Variants in IFT27 observed in about 807,000 individuals in gnomAD.
The protein encoded by IFT27 is intraflagellar transport 27, also known as intraflagellar transport protein 27 homolog.
IFT27 carries 19 observed loss-of-function variants against 23.9 expected under a neutral mutation model. The ratio of observed to expected loss-of-function variants is 0.79; its 90% CI spans 0.55 to 1.16. The LOEUF (loss-of-function observed/expected upper bound fraction) is 1.16. IFT27 is among the 50% of genes most tolerant of loss of function. The probability of loss-of-function intolerance (pLI) is 0.00; values close to 1 mark genes in which losing one functional copy is unlikely to be tolerated. For missense variants in IFT27, 206 were observed against 228.7 expected, an observed-to-expected ratio of 0.90 and a Z score of 0.64; for synonymous variants, 91 against 89.1, an observed-to-expected ratio of 1.02 and a Z score of -0.12.
intron 1 of IFT27, among the ~76,000 whole-genome samples, chr22:36,773,831 C>T (rs552790606): frequency 5.1e-4 from 78 of 152,174 alleles, no homozygotes; most frequent in Admixed American, 2.0e-3. Context: ...TCAGTTGCCT[C>T]ATCTGTAAAT....
chr22:36,768,375 G>A (rs1938309642), intron 1 of IFT27: 6 of 307,238 alleles, frequency 2.0e-5, no homozygotes, highest in South Asian at 1.7e-4. Flanking sequence ...CAAGAAGTCT[G>A]AGGCTGTGTT....
Position 36,767,252 on chromosome 22 carries a change from C to A in IFT27, c.174+54G>T, listed in dbSNP as rs756416368. On this transcript the variant is annotated intron_variant, in intron 3 of 6. Transcript: ENST00000433985. ...AGGGAGGATGGTGTGACCACAGAGA[C>A]CCTGGGCCCAGCTGGGGGAGCCCTG... The A allele has an allele frequency of 6.2e-6, 9 of 1,458,438 alleles. No homozygotes were observed. In the South Asian group the frequency reaches 6.9e-5, roughly 11 times the overall value. The allele number at this position is 1,458,438 out of a possible 1,614,324, so 90.3% of individuals were successfully genotyped here.
intron 1 of IFT27, among the ~76,000 whole-genome samples, chr22:36,773,842 G>A (rs1303497390): frequency 1.3e-5 from 2 of 152,066 alleles, no homozygotes; most frequent in Non-Finnish European, 2.9e-5. Context: ...ATCTGTAAAT[G>A]AGGATGGCAA....
intron 1 of IFT27, among the ~76,000 whole-genome samples, chr22:36,769,280 G>C (rs77589426): frequency 0.015 from 2,262 of 152,142 alleles, 61 homozygotes; most frequent in African/African-American, 0.049. Flanking sequence ...GGCTCAGAGA[G>C]GCTGGGTAAC....
At chr22:36,761,576 C>T (rs746365691) in intron 6 of IFT27, 5 of 152,156 alleles carry the variant, frequency 3.3e-5, no homozygotes, top group East Asian at 1.9e-4. Flanking sequence ...GTTTACCAGG[C>T]GCCAGACTCT....
chr22:36,758,442 C>A, intron 6 of IFT27, 33 bp from the exon 7 acceptor site: 7 of 1,547,466 alleles, frequency 4.5e-6, no homozygotes, highest in South Asian at 1.1e-5. Flanking sequence ...TGGCTGTGTT[C>A]TTTTAGAAGG....
intron 5 of IFT27, 135 bp from the exon 6 acceptor site, chr22:36,763,148 C>G (rs1047657997): frequency 1.8e-6 from 1 of 546,418 alleles, no homozygotes; most frequent in Non-Finnish European, 3.1e-6. Context: ...GGTGAGCCCC[C>G]CCACAGGGAA....
chr22:36,763,597 C>T, intron 5 of IFT27: 1 of 443,414 alleles, frequency 2.3e-6, no homozygotes. Flanking sequence ...ACCCCATATA[C>T]AAGAGAAAAT....
chr22:36,767,245 A>G, intron 3 of IFT27, 61 bp downstream of exon 3: 1 of 1,379,050 alleles, frequency 7.3e-7, no homozygotes, highest in Non-Finnish European at 1.0e-6. Context: ...TGGTGTGACC[A>G]CAGAGACCCT....
intron 1 of IFT27, among the ~76,000 whole-genome samples, chr22:36,771,831 G>A (rs1302098997): frequency 1.3e-5 from 2 of 152,102 alleles, no homozygotes; most frequent in Non-Finnish European, 2.9e-5. Context: ...CCAGTGGGTG[G>A]CATCAACAGG....
In IFT27 at chr22:36,760,782, G is replaced by C. The variant is rs1938069571; in HGVS notation, c.462+2122C>G. 1.8e-5 allele frequency: 3 copies of C among 166,522 alleles called. No homozygotes were observed. The South Asian group carries it at 6.2e-4, about 34-fold the overall frequency. 10.3% of individuals were successfully genotyped at this position (166,522 alleles called of 1,614,324 possible). A position where few individuals can be genotyped will look rare whatever the true frequency, so the allele number is the denominator to read the frequency against. On this transcript the variant is annotated intron_variant, in intron 6 of 6. Transcript: ENST00000433985. ...GTTATGAAGCCTAAACAAATAATGT[G>C]TGCAAAACACCTAGCACACAGTAGG...
chr22:36,762,149 G>T (rs918138794), intron 6 of IFT27: 4 of 152,210 alleles, frequency 2.6e-5, no homozygotes, highest in African/African-American at 9.7e-5. Context: ...TCATGTGAGG[G>T]GTCTGATTGG....
In IFT27 at chr22:36,767,132, C is replaced by T. The variant is rs970547197; in HGVS notation, c.174+174G>A. ...TCCTAGTCCTCCTTCCTTCCTTCCT[C>T]CTCCACCTCCTCAGTCCCTCCCTTG... On this transcript the variant is annotated intron_variant, in intron 3 of 6. Transcript: ENST00000433985. 3 of 522,824 alleles carry T rather than the reference C, an allele frequency of 5.7e-6. No homozygotes were observed. In the African/African-American group the frequency reaches 5.8e-5, roughly 10 times the overall value. The allele number at this position is 522,824 out of a possible 1,614,324, so 32.4% of individuals were successfully genotyped here. A position where few individuals can be genotyped will look rare whatever the true frequency, so the allele number is the denominator to read the frequency against.
At chr22:36,768,581 T>C (rs1343112110) in intron 1 of IFT27, 3 of 160,664 alleles carry the variant, frequency 1.9e-5, no homozygotes, top group Non-Finnish European at 4.1e-5. Flanking sequence ...CAGAAACTGG[T>C]CCCTCAGAAC....
In IFT27 at chr22:36,758,324, C is replaced by G. The variant is rs140440023; in HGVS notation, c.548G>C (p.Arg183Pro). The G allele has an allele frequency of 6.2e-7, 1 of 1,614,062 alleles. No homozygotes were observed. Among genetic ancestry groups the G allele is most frequent in the South Asian group, 1.1e-5 (1 of 91,082 alleles). ...QLYREKVEVF[R>P]ALA ...TGCTCCAGCTCGTCATGCCAGGGCC[C>G]GGAAAACCTCCACCTTCTCCCGGTA... The change falls in exon 7 of 7, where the codon CGG (arginine) becomes CCG (proline). Residue 183 changes from arginine to proline, a missense_variant. Transcript: ENST00000433985.
intron 6 of IFT27, chr22:36,761,383 C>T (rs752448119): frequency 6.6e-6 from 1 of 152,132 alleles, no homozygotes; most frequent in Non-Finnish European, 1.5e-5. Context: ...GATGGCAAAC[C>T]CTCTATACAG....
chr22:36,758,411 T>C lies in IFT27; in HGVS notation c.463-2A>G, dbSNP rs758390616. On this transcript the variant is annotated splice_acceptor_variant, in intron 6 of 6. Transcript: ENST00000433985. LOFTEE classifies it high-confidence loss of function. ...GGCTTCGAAGTTTTCCATCTCTTTC[T>C]GGAAAGACAGTTTAAAAAGTTGGCT... 1.9e-6 allele frequency: 3 copies of C among 1,612,100 alleles called. No homozygotes were observed. The highest frequency in any genetic ancestry group is 2.5e-6 in the Non-Finnish European group (3 of 1,178,462).
intron 1 of IFT27, among the ~76,000 whole-genome samples, chr22:36,771,886 C>T (rs1473444464): frequency 6.6e-6 from 1 of 152,174 alleles, no homozygotes; most frequent in Non-Finnish European, 1.5e-5. Flanking sequence ...AACCTTCACA[C>T]AAACCCCACT....
intron 6 of IFT27, chr22:36,761,954 G>C (rs1405101677): frequency 2.0e-5 from 3 of 152,248 alleles, no homozygotes; most frequent in Non-Finnish European, 2.9e-5. Flanking sequence ...CAGGTCTAAA[G>C]GCCACAAGGT....
Sources: gnomAD v4.1 joint callset for allele counts (sites outside exome capture counted in the v4.1 genomes callset) on GRCh38, gnomAD v4.1.1 for gene constraint, MANE v1.5 for transcripts, NCBI Gene and HGNC (gene_info 2026-07-23, HGNC 2026-07-21) for gene names.